The following TCF25 variants were observed in gnomAD, a reference collection of about 807,000 sequenced individuals.
The protein encoded by TCF25 is ribosome quality control complex subunit TCF25.
TCF25 carries 41 observed loss-of-function variants against 83.1 expected under a neutral mutation model. That is an observed-to-expected ratio of 0.49 (90% CI 0.38 to 0.64). The LOEUF is 0.64. Among genes scored for constraint, TCF25 ranks in the 30% least tolerant of loss-of-function variants. The probability of loss-of-function intolerance (pLI) is 0.00; values close to 1 mark genes in which losing one functional copy is unlikely to be tolerated. For missense variants in TCF25, 979 were observed against 914.5 expected (o/e 1.07, Z -0.91); for synonymous variants, 458 against 365.0 (o/e 1.25, Z -2.90).
Position 89,906,245 on chromosome 16 carries a change from C to T in TCF25, c.1680C>T (p.Ile560=), listed in dbSNP as rs915061997. The T allele has an allele frequency of 2.5e-6, 4 of 1,613,284 alleles. No homozygotes were observed. The highest frequency in any genetic ancestry group is 2.2e-5 in the South Asian group (2 of 91,076). ...RAPRNIHRHV[I]LSEIKEAVAA... ...CCAGGAATATCCACCGCCATGTGAT[C>T]CTCTCTGAGATCAAGGAAGCCGTCG... Residue 560 remains isoleucine, a synonymous_variant, in exon 15 of 18, where the codon ATC becomes ATT. Transcript: ENST00000263346.
At chr16:89,893,905 A>C in intron 7 of TCF25, 47 bp downstream of exon 7, 1 of 1,562,912 alleles carries the variant, frequency 6.4e-7, no homozygotes. Context: ...CCATGTAGCC[A>C]CCACTGCCCT....
chr16:89,904,655 C>A (rs1464597479), intron 13 of TCF25: 1 of 560,890 alleles, frequency 1.8e-6, no homozygotes, highest in African/African-American at 1.9e-5. Context: ...CCCTCCAGGG[C>A]TCGCCCTGTG....
In TCF25 at chr16:89,873,715, G is replaced by A; in HGVS notation, c.48G>A (p.Gln16=). 3 of 1,610,228 alleles carry A rather than the reference G, an allele frequency of 1.9e-6. No homozygotes were observed. The highest frequency in any genetic ancestry group is 2.5e-6 in the Non-Finnish European group (3 of 1,178,918). ...LRRLRGEQRG[Q]EPLGPGALHF... Reference sequence around the variant, plus strand: ...GGCTGAGGGGGGAACAGCGCGGCCAGGAGCCCCTCGGGCCCGGCGCCTTGC... The same window carrying A: ...GGCTGAGGGGGGAACAGCGCGGCCAAGAGCCCCTCGGGCCCGGCGCCTTGC... The change falls in exon 1 of 18, where the codon CAG becomes CAA. Residue 16 remains glutamine, a synonymous_variant. Coordinates refer to ENST00000263346, the MANE Select transcript of TCF25 (RefSeq NM_014972.3).
At chr16:89,903,680 G>A (rs894629350) in intron 12 of TCF25, among the ~76,000 whole-genome samples, 3 of 152,242 alleles carry the variant, frequency 2.0e-5, no homozygotes, top group East Asian at 3.9e-4. Flanking sequence ...GGTAGTGTGC[G>A]CCTGTGATCC....
Position 89,883,484 on chromosome 16 carries a change from A to G in TCF25, c.326A>G (p.Asp109Gly). 1 of 1,611,544 alleles carries G rather than the reference A, an allele frequency of 6.2e-7. No homozygotes were observed. Among genetic ancestry groups the G allele is most frequent in the South Asian group, 1.1e-5 (1 of 90,578 alleles). ...AACACAGAGAGCAAGACGGATGGAG[A>G]TGACACCGAGACAGTGCCCTCAGAG... ...RGNTESKTDG[D>G]DTETVPSEQS... is the part of the protein sequence containing the mutation. The change falls in exon 2 of 18, where the codon GAT becomes GGT. Residue 109 changes from aspartate (D) to glycine (G), a missense_variant. Asp to Gly is a moderately conservative substitution (Grantham distance 94, BLOSUM62 -1). Transcript: ENST00000263346.
In TCF25 at chr16:89,908,086, C is replaced by T. The variant is rs537856457; in HGVS notation, c.1799+764C>T. On this transcript the variant is annotated intron_variant, in intron 16 of 17. Coordinates refer to ENST00000263346, the MANE Select transcript of TCF25 (RefSeq NM_014972.3). ...TCCCACCTTACAGCCCCTGTCTCCT[C>T]CCTCCTCCCAGTTCCCAGCTCCCAG... Among the ~76,000 whole-genome samples, 7 of 134,838 alleles carry T rather than the reference C, an allele frequency of 5.2e-5. No individual in the cohort carries two copies. The South Asian group carries it at 1.6e-3, about 31-fold the overall frequency. 88.5% of individuals were successfully genotyped at this position (134,838 alleles called of 152,430 possible).
chr16:89,897,502 C>T (rs906167337), intron 9 of TCF25, among the ~76,000 whole-genome samples: 5 of 152,270 alleles, frequency 3.3e-5, no homozygotes, highest in African/African-American at 7.2e-5. Flanking sequence ...TCCGCTGACC[C>T]GTTCTGCACA....
In TCF25 at chr16:89,898,748, T is replaced by C. The variant is rs1314648241; in HGVS notation, c.1116-19T>C. 3 of 1,613,718 alleles carry C rather than the reference T, an allele frequency of 1.9e-6. No homozygotes were observed. Among genetic ancestry groups the C allele is most frequent in the Middle Eastern group, 1.6e-4 (1 of 6,062 alleles). ...GCCCCTGTTCCCCTTTGCTCTGCTC[T>C]CTGTGCTGCCTCCGGAAGTCTCGAG... On this transcript the variant is annotated intron_variant, in intron 10 of 17. Coordinates refer to ENST00000263346, the MANE Select transcript of TCF25 (RefSeq NM_014972.3).
chr16:89,876,534 A>G (rs1384484924), intron 1 of TCF25, among the ~76,000 whole-genome samples: 2 of 152,104 alleles, frequency 1.3e-5, no homozygotes, highest in African/African-American at 2.4e-5. Context: ...AAAGTGCTGG[A>G]ATTGCAGCTC....
intron 9 of TCF25, among the ~76,000 whole-genome samples, chr16:89,896,744 C>T (rs530624016): frequency 2.6e-5 from 4 of 152,042 alleles, no homozygotes; most frequent in East Asian, 1.9e-4. Context: ...CTAGTAGAGA[C>T]GAGGTTTCAC....
chr16:89,905,628 G>A (rs2044711117), intron 14 of TCF25, among the ~76,000 whole-genome samples: 1 of 152,234 alleles, frequency 6.6e-6, no homozygotes, highest in Non-Finnish European at 1.5e-5. Flanking sequence ...TGGGAGTGGT[G>A]CCCATTTGCA....
intron 16 of TCF25, chr16:89,909,035 C>T (rs1223495915): frequency 1.6e-6 from 2 of 1,289,396 alleles, no homozygotes; most frequent in South Asian, 1.2e-5. Context: ...CACGTTCTTT[C>T]CCATCTCCAC....
chr16:89,901,571 A>C (rs373131571), intron 12 of TCF25, among the ~76,000 whole-genome samples: 1,540 of 121,604 alleles, frequency 0.013, 19 homozygotes, highest in African/African-American at 0.043. Context: ...CGGTGAAACC[A>C]CGTCTCTACT....
chr16:89,910,627 C>G lies in TCF25; in HGVS notation c.1836C>G (p.Leu612=). 2 of 1,613,734 alleles carry G rather than the reference C, an allele frequency of 1.2e-6. No homozygotes were observed. The highest frequency in any genetic ancestry group is 1.7e-5 in the Admixed American group (1 of 60,034). Residue 612 remains leucine, a synonymous_variant, in exon 17 of 18, where the codon CTC becomes CTG. Transcript: ENST00000263346. ...SPISHGNTIA[L]FFRSLLPNYT... ...TCAGCCATGGAAACACCATTGCTCT[C>G]TTCTTCCGGTCACTGTTGCCAAACT...
rs890983717 is a variant in TCF25 at position 89,895,858 on chromosome 16, C to T, written c.929-132C>T. 11 of 729,534 alleles carry T rather than the reference C, an allele frequency of 1.5e-5. 1 individual carries two copies. The South Asian group carries it at 2.1e-4, about 14-fold the overall frequency. 45.2% of individuals were successfully genotyped at this position (729,534 alleles called of 1,614,324 possible). Reference sequence around the variant, plus strand: ...TCCAGGGTGCCCAGGGGCATGTCTGCCCTCTCAGTGTCCAGGACTCTAGTT... The same window carrying T: ...TCCAGGGTGCCCAGGGGCATGTCTGTCCTCTCAGTGTCCAGGACTCTAGTT... On this transcript the variant is annotated intron_variant, in intron 8 of 17. Coordinates refer to ENST00000263346, the MANE Select transcript of TCF25 (RefSeq NM_014972.3).
chr16:89,894,449 C>T (rs574512734), intron 7 of TCF25, among the ~76,000 whole-genome samples: 287 of 152,316 alleles, frequency 1.9e-3, no homozygotes, highest in African/African-American at 6.6e-3. Context: ...GGACAGCCTC[C>T]GCAGAGCTCC....
intron 16 of TCF25, chr16:89,910,216 TG>T (rs1251604720): frequency 7.4e-6 from 2 of 271,850 alleles, no homozygotes; most frequent in African/African-American, 4.4e-5. Context: ...ACGCAGGCCC[TG>T]GAAGCTTCTG....
chr16:89,884,436 A>T, intron 2 of TCF25, 146 bp from the exon 3 acceptor site: 1 of 724,636 alleles, frequency 1.4e-6, no homozygotes. Context: ...TGCTGGAGAG[A>T]AGAGAGTGAG....
rs760277475 is a variant in TCF25 at position 89,904,157 on chromosome 16, A to G, written c.1421A>G (p.Asp474Gly). The G allele has an allele frequency of 6.2e-7, 1 of 1,605,218 alleles. No homozygotes were observed. Among genetic ancestry groups the G allele is most frequent in the South Asian group, 1.1e-5 (1 of 89,136 alleles). The change falls in exon 13 of 18, where the codon GAC (aspartate) becomes GGC (glycine). Residue 474 changes from aspartate (D) to glycine (G), a missense_variant. By Grantham distance (94) the Asp-to-Gly change is moderately conservative. Transcript: ENST00000263346. ...CTCGAGTCTTGCAGTGTGCGGCCCG[A>G]CGCCAGCGTTTCCAGTCACCGCTTC... is the stretch of plus-strand genomic sequence containing the variant. ...PLLESCSVRP[D>G]ASVSSHRFFG...
Sources: allele counts gnomAD v4.1 joint callset (sites outside exome capture counted in the v4.1 genomes callset), GRCh38; gene constraint gnomAD v4.1.1; transcripts MANE v1.5; gene names NCBI Gene and HGNC (gene_info 2026-07-23, HGNC 2026-07-21).